CAPN14: variants seen among roughly 807,000 people sequenced by gnomAD.
CAPN14 encodes the protein calpain 14.
A neutral mutation model predicts 101.3 loss-of-function variants in CAPN14; 94 were observed. That is an observed-to-expected ratio of 0.93 (90% CI 0.79 to 1.10). CAPN14 has a LOEUF of 1.10. CAPN14 is among the 50% of genes least tolerant of loss of function. The probability of loss-of-function intolerance (pLI) is 0.00; values close to 1 mark genes in which losing one functional copy is unlikely to be tolerated. For missense variants in CAPN14, 837 were observed against 828.4 expected (o/e 1.01, Z -0.13); for synonymous variants, 338 against 317.9 (o/e 1.06, Z -0.67).
At position 31,205,370 on chromosome 2, in the gene CAPN14, G is replaced by C. The variant is rs747295715; in HGVS notation, c.78C>G (p.Pro26=). Residue 26 remains proline, a synonymous_variant, in exon 2 of 22, where the codon CCC becomes CCG. Coordinates refer to ENST00000403897, the MANE Select transcript of CAPN14 (RefSeq NM_001145122.2). ...CCAGCAGGGCCTCAAAGTCCTGTTG[G>C]GGTTGCTGTGGAGACGCCCTCCTAG... ...RYSRRASPQQ[P]QQDFEALLAE... 7 of 1,551,442 alleles carry C rather than the reference G, an allele frequency of 4.5e-6. No individual in the cohort carries two copies. In the African/African-American group the frequency reaches 8.2e-5, roughly 18 times the overall value.
chr2:31,175,140 C>T (rs1680227480), intron 21 of CAPN14, among the ~76,000 whole-genome samples: 1 of 152,188 alleles, frequency 6.6e-6, no homozygotes, highest in Non-Finnish European at 1.5e-5. Context: ...GGGGAAACCA[C>T]TCCCCAGGCC....
intron 1 of CAPN14, among the ~76,000 whole-genome samples, chr2:31,211,252 G>A (rs1337400372): frequency 6.6e-6 from 1 of 150,780 alleles, no homozygotes; most frequent in Non-Finnish European, 1.5e-5. Flanking sequence ...GAGAAAGAGA[G>A]GGAGGGAGGA....
rs190137838 is a variant in CAPN14, at chr2:31,209,324, T to G, written c.-52-3825A>C. The stretch of plus-strand genomic sequence containing the variant: ...GTAAACAGAGAGTCAGGCTTTGATC[T>G]TCACTTCTTCCATACTGGCTATTCT... On this transcript the variant is annotated intron_variant, in intron 1 of 21. Transcript: ENST00000403897. Among the ~76,000 whole-genome samples, 102 of 152,244 alleles carry G rather than the reference T, an allele frequency of 6.7e-4. No homozygotes were observed. The East Asian group carries it at 0.012, about 18-fold the overall frequency.
intron 15 of CAPN14, among the ~76,000 whole-genome samples, chr2:31,186,822 G>A (rs183623141): frequency 6.6e-6 from 1 of 152,280 alleles, no homozygotes; most frequent in Non-Finnish European, 1.5e-5. Context: ...AAATATATCA[G>A]TGAAATATAA....
chr2:31,193,327 T>C (rs977651821), intron 9 of CAPN14, 33 bp from the exon 10 acceptor site: 1 of 1,548,334 alleles, frequency 6.5e-7, no homozygotes. Flanking sequence ...CACAAAGAGA[T>C]GGACCAGATA....
At chr2:31,228,434 T>C (rs1683091012) in intron 1 of CAPN14, 1 of 152,210 alleles carries the variant, frequency 6.6e-6, no homozygotes, top group Non-Finnish European at 1.5e-5. Flanking sequence ...TTCTGTTTCA[T>C]AGTGTCACCC....
chr2:31,193,037 A>G (rs1424262277), intron 10 of CAPN14, 94 bp downstream of exon 10: 2 of 1,250,508 alleles, frequency 1.6e-6, no homozygotes, highest in African/African-American at 1.5e-5. Context: ...CACTCAGCCA[A>G]TGCAGAATTC....
chr2:31,175,932 G>A (rs1267946130), intron 21 of CAPN14, among the ~76,000 whole-genome samples: 1 of 152,152 alleles, frequency 6.6e-6, no homozygotes, highest in African/African-American at 2.4e-5. Flanking sequence ...GCATTTTGAA[G>A]GATCAGGGAA....
intron 2 of CAPN14, among the ~76,000 whole-genome samples, chr2:31,204,614 G>A (rs1681975637): frequency 6.6e-6 from 1 of 152,054 alleles, no homozygotes; most frequent in African/African-American, 2.4e-5. Flanking sequence ...AACCCAAAAG[G>A]ACAGGGTGTA....
chr2:31,181,165 G>A (rs2028676), intron 16 of CAPN14, among the ~76,000 whole-genome samples, 165 bp from the exon 17 acceptor site: 50,659 of 151,942 alleles, frequency 0.33, 10,049 homozygotes, highest in African/African-American at 0.55. Flanking sequence ...GGGGGGTGAC[G>A]GTCGTTCCTA....
chr2:31,232,585 A>G (rs1683226693), intron 1 of CAPN14, among the ~76,000 whole-genome samples: 1 of 152,216 alleles, frequency 6.6e-6, no homozygotes, highest in African/African-American at 2.4e-5. Context: ...CACGTCCTTC[A>G]TAAGGCGGCA....
At chr2:31,189,533 C>G (rs1369823284) in intron 12 of CAPN14, 55 bp from the exon 13 acceptor site, 1 of 1,418,050 alleles carries the variant, frequency 7.1e-7, no homozygotes, top group Non-Finnish European at 9.7e-7. Context: ...GGGCTGTGGC[C>G]AGGCCTGAGG....
At chr2:31,193,428 A>G in intron 9 of CAPN14, 134 bp from the exon 10 acceptor site, 1 of 881,290 alleles carries the variant, frequency 1.1e-6, no homozygotes, top group South Asian at 1.7e-5. Context: ...TCTTGTGCAG[A>G]GCTGAGCTGA....
In CAPN14 at chr2:31,178,526, C is replaced by T. The variant is rs1465419905; in HGVS notation, c.1764G>A (p.Gln588=). The change falls in exon 18 of 22, where the codon CAG becomes CAA. Residue 588 remains glutamine (Q), a synonymous_variant. Transcript: ENST00000403897. Reference sequence around the variant, plus strand: ...TTGTTCTTACCTGAGAGAGCTTCAGCTGCTTCCACAGGTCCCTGAATTCCT... The same window carrying T: ...TTGTTCTTACCTGAGAGAGCTTCAGTTGCTTCCACAGGTCCCTGAATTCCT... ...SIQEFRDLWK[Q]LKLSQKVFHK... The T allele has an allele frequency of 7.1e-6, 11 of 1,550,752 alleles. No homozygotes were observed. The highest frequency in any genetic ancestry group is 1.7e-4 in the Middle Eastern group (1 of 5,988).
chr2:31,193,032 A>C, intron 10 of CAPN14, 99 bp downstream of exon 10: 1 of 1,208,032 alleles, frequency 8.3e-7, no homozygotes, highest in Non-Finnish European at 1.2e-6. Context: ...CTCCCCACTC[A>C]GCCAATGCAG....
At chr2:31,198,828 T>C (rs997647704) in intron 7 of CAPN14, among the ~76,000 whole-genome samples, 1 of 152,144 alleles carries the variant, frequency 6.6e-6, no homozygotes, top group South Asian at 2.1e-4. Flanking sequence ...TCTCGCCCCG[T>C]GCAAATCTAT....
chr2:31,191,258 G>T, intron 12 of CAPN14, 141 bp downstream of exon 12: 3 of 806,402 alleles, frequency 3.7e-6, no homozygotes, highest in South Asian at 1.8e-5. Context: ...CACAGGCAGC[G>T]GGCAGACATT....
At chr2:31,174,771 T>C (rs1017893754) in intron 21 of CAPN14, 64 bp from the exon 22 acceptor site, 1 of 1,472,662 alleles carries the variant, frequency 6.8e-7, no homozygotes, top group African/African-American at 1.4e-5. Flanking sequence ...GGCCTCCCCA[T>C]CCCACACTCC....
At position 31,193,202 on chromosome 2, in the gene CAPN14, C is replaced by G; in HGVS notation, c.1043G>C (p.Trp348Ser). 6.4e-7 allele frequency: 1 copy of G among 1,551,734 alleles called. No homozygotes were observed. Among genetic ancestry groups the G allele is most frequent in the Non-Finnish European group, 8.7e-7 (1 of 1,147,028 alleles). ...GLLSQEAAQK[W>S]TYTMREGRWE... is the part of the protein sequence containing the mutation. The stretch of plus-strand genomic sequence containing the variant: ...TCTCCCCTCCCGCATGGTGTACGTC[C>G]ACTTCTGGGCCGCCTCCTGGCTCAA... Residue 348 changes from tryptophan to serine, a missense_variant, in exon 10 of 22, where the codon TGG (tryptophan) becomes TCG (serine). By Grantham distance (177) the Trp-to-Ser change is radical. Transcript: ENST00000403897.
Sources: allele counts gnomAD v4.1 joint callset (sites outside exome capture counted in the v4.1 genomes callset), GRCh38; gene constraint gnomAD v4.1.1; transcripts MANE v1.5; gene names NCBI Gene and HGNC (gene_info 2026-07-23, HGNC 2026-07-21).